Variants in PEAK1 observed in about 807,000 individuals in gnomAD.
PEAK1 encodes the protein inactive tyrosine-protein kinase PEAK1.
In PEAK1, 54 loss-of-function variants were observed where a neutral mutation model predicts 124.7. The observed-to-expected ratio is 0.43, with a 90% CI of 0.35 to 0.54. PEAK1 has a LOEUF of 0.54. Ranked by LOEUF, PEAK1 falls within the 20% of genes least tolerant of loss-of-function variation. The probability of loss-of-function intolerance (pLI) is 0.01; values close to 1 mark genes in which losing one functional copy is unlikely to be tolerated. For synonymous variants in PEAK1, 719 were observed against 760.0 expected, an observed-to-expected ratio of 0.95 and a Z score of 0.89; for missense variants, 2,046 against 2,134.5, an observed-to-expected ratio of 0.96 and a Z score of 0.82.
chr15:77,136,420 CT>C (rs2053333178), intron 8 of PEAK1, among the ~76,000 whole-genome samples: 1 of 152,138 alleles, frequency 6.6e-6, no homozygotes, highest in African/African-American at 2.4e-5. Flanking sequence ...AATCCCAGCA[CT>C]TTGAGAGGCT....
At chr15:77,286,940 A>C (rs1293005371) in intron 2 of PEAK1, among the ~76,000 whole-genome samples, 1 of 152,178 alleles carries the variant, frequency 6.6e-6, no homozygotes, top group Non-Finnish European at 1.5e-5. Flanking sequence ...AATCCAAAAG[A>C]AGCTATAAAT....
chr15:77,305,169 A>AGAAG (rs928311032), intron 2 of PEAK1, among the ~76,000 whole-genome samples: 11 of 62,202 alleles, frequency 1.8e-4, no homozygotes, highest in African/African-American at 4.2e-4. Context: ...GAAGGAGGGA[A>AGAAG]GAAGGAAGGA....
At chr15:77,263,879 T>A (rs1279090749) in intron 5 of PEAK1, among the ~76,000 whole-genome samples, 3 of 152,064 alleles carry the variant, frequency 2.0e-5, no homozygotes, top group Non-Finnish European at 4.4e-5. Context: ...GCAAACCGAA[T>A]CCAGCAGCAC....
chr15:77,270,364 G>A (rs973640252), intron 5 of PEAK1, among the ~76,000 whole-genome samples: 1 of 152,136 alleles, frequency 6.6e-6, no homozygotes, highest in Non-Finnish European at 1.5e-5. Context: ...TGACATGATT[G>A]TATATCTAGA....
At chr15:77,269,144 T>C (rs577464699) in intron 5 of PEAK1, among the ~76,000 whole-genome samples, 1 of 149,798 alleles carries the variant, frequency 6.7e-6, no homozygotes, top group South Asian at 2.1e-4. Flanking sequence ...TATAGAACGA[T>C]GAATAGAATA....
At chr15:77,353,038 C>A in intron 2 of PEAK1, 1 of 983,088 alleles carries the variant, frequency 1.0e-6, no homozygotes, top group South Asian at 4.7e-5. Context: ...GCAAAGAAAA[C>A]CATGAACCCT....
intron 8 of PEAK1, among the ~76,000 whole-genome samples, chr15:77,136,927 G>A (rs2053385307): frequency 6.6e-6 from 1 of 152,174 alleles, no homozygotes; most frequent in Non-Finnish European, 1.5e-5. Context: ...AAGTAGTTTC[G>A]TGGGCCAGGC....
rs535702808 is a variant in PEAK1 at position 77,321,738 on chromosome 15, A to G, written c.-602-35234T>C. 1.5e-3 allele frequency among the ~76,000 whole-genome samples: 223 copies of G among 152,250 alleles called. 1 individual carries two copies. The highest frequency in any genetic ancestry group is 5.2e-3 in the African/African-American group (217 of 41,550). On this transcript the variant is annotated intron_variant, in intron 2 of 9. Transcript: ENST00000682557. ...AGACGTGAAGTCCTTGCCCATGCCT[A>G]TGTCCTGAATGGTATTGCCTAGGTT...
chr15:77,336,032 A>C (rs1001998747), intron 2 of PEAK1: 1 of 985,284 alleles, frequency 1.0e-6, no homozygotes, highest in Non-Finnish European at 1.2e-6. Flanking sequence ...TCTGTGTCTT[A>C]ATTTTTGAAG....
intron 6 of PEAK1, among the ~76,000 whole-genome samples, chr15:77,236,724 C>CT (rs899611139): frequency 2.0e-5 from 3 of 152,140 alleles, no homozygotes; most frequent in Non-Finnish European, 2.9e-5. Flanking sequence ...TGTGTCCCCA[C>CT]CCAAATCTCA....
intron 1 of PEAK1, among the ~76,000 whole-genome samples, chr15:77,374,542 C>A (rs931282165): frequency 1.3e-5 from 2 of 152,024 alleles, no homozygotes; most frequent in African/African-American, 4.8e-5. Context: ...AAGTGTGTAG[C>A]TGAAGGAAGG....
intron 2 of PEAK1, chr15:77,349,577 G>A (rs996764776): frequency 2.4e-5 from 24 of 984,462 alleles, no homozygotes; most frequent in Admixed American, 6.1e-5. Flanking sequence ...GGTGGGTTAC[G>A]GAGTCACTGA....
At chr15:77,404,013 T>C (rs1262998800) in intron 1 of PEAK1, 1 of 969,634 alleles carries the variant, frequency 1.0e-6, no homozygotes, top group Non-Finnish European at 1.2e-6. Flanking sequence ...GTAATGAGCA[T>C]AGTACCTGGT....
In PEAK1 at chr15:77,278,581, C is replaced by A. The variant is rs1160768332; in HGVS notation, c.-275+5302G>T. ...AACCTGCTCCTCCAAAGCCAGAGAC[C>A]AAGCCTAAAAAGGTCCCTGCAAAGA... On this transcript the variant is annotated intron_variant, in intron 5 of 9. Coordinates refer to ENST00000682557, the MANE Select transcript of PEAK1 (RefSeq NM_001385026.1). 36 of 501,568 alleles carry A rather than the reference C, an allele frequency of 7.2e-5. 1 individual carries two copies. In the Admixed American group the frequency reaches 7.5e-4, roughly 10 times the overall value. 31.1% of individuals were successfully genotyped at this position (501,568 alleles called of 1,614,324 possible). A position where few individuals can be genotyped will look rare whatever the true frequency, so the allele number is the denominator to read the frequency against.
chr15:77,209,813 C>T (rs2058822744), intron 6 of PEAK1, among the ~76,000 whole-genome samples: 1 of 152,178 alleles, frequency 6.6e-6, no homozygotes, highest in Non-Finnish European at 1.5e-5. Context: ...CCCTTAGAGC[C>T]TTCTGAAGGA....
intron 2 of PEAK1, among the ~76,000 whole-genome samples, chr15:77,305,739 G>C (rs1221525568): frequency 6.6e-6 from 1 of 152,118 alleles, no homozygotes; most frequent in Non-Finnish European, 1.5e-5. Context: ...AGATGATCAA[G>C]TCCCTTACAT....
chr15:77,336,178 A>AC, intron 2 of PEAK1: 1 of 985,442 alleles, frequency 1.0e-6, no homozygotes, highest in Non-Finnish European at 1.2e-6. Flanking sequence ...TACTTGTTCT[A>AC]CAACCACAGA....
At chr15:77,289,178 G>T (rs2063086016) in intron 2 of PEAK1, among the ~76,000 whole-genome samples, 1 of 152,072 alleles carries the variant, frequency 6.6e-6, no homozygotes, top group African/African-American at 2.4e-5. Flanking sequence ...ACTTTCATTA[G>T]AGATATATTA....
At chr15:77,227,835 T>TAA (rs879308454) in intron 6 of PEAK1, among the ~76,000 whole-genome samples, 1 of 145,072 alleles carries the variant, frequency 6.9e-6, no homozygotes, top group Non-Finnish European at 1.5e-5. Flanking sequence ...CCAGGTCAAC[T>TAA]AAAAAAAAAA....
Sources: gnomAD v4.1 joint callset for allele counts (sites outside exome capture counted in the v4.1 genomes callset) on GRCh38, gnomAD v4.1.1 for gene constraint, MANE v1.5 for transcripts, NCBI Gene and HGNC (gene_info 2026-07-23, HGNC 2026-07-21) for gene names.